Variants in DPP6 observed in about 807,000 individuals in gnomAD.
The protein encoded by DPP6 is A-type potassium channel modulatory protein DPP6.
In DPP6, 69 loss-of-function variants were observed where a neutral mutation model predicts 122.6. The ratio of observed to expected loss-of-function variants is 0.56; its 90% CI spans 0.46 to 0.69. The LOEUF (loss-of-function observed/expected upper bound fraction) is 0.69, where lower values mean the gene tolerates loss of function less well. DPP6 is among the 30% of genes least tolerant of loss of function. The pLI, the probability that DPP6 is intolerant of heterozygous loss-of-function variation, is 0.00. For missense variants in DPP6, 928 were observed against 1,116.9 expected (o/e 0.83, Z 2.41); for synonymous variants, 418 against 433.1 (o/e 0.97, Z 0.43).
intron 1 of DPP6, among the ~76,000 whole-genome samples, chr7:154,044,618 G>A (rs1240810211): frequency 3.3e-5 from 5 of 152,120 alleles, no homozygotes; most frequent in Non-Finnish European, 5.9e-5. Flanking sequence ...GCATCAACTC[G>A]TTTTTTAAAT....
chr7:154,511,244 T>G (rs756477157), intron 3 of DPP6, among the ~76,000 whole-genome samples: 2 of 152,080 alleles, frequency 1.3e-5, no homozygotes, highest in Non-Finnish European at 2.9e-5. Context: ...GGACAAAACA[T>G]CTAGCATGCA....
At chr7:153,888,487 T>C (rs939997395) in intron 1 of DPP6, among the ~76,000 whole-genome samples, 3 of 152,154 alleles carry the variant, frequency 2.0e-5, no homozygotes, top group Non-Finnish European at 4.4e-5. Flanking sequence ...CGCTCCCCGC[T>C]GACCCGCGCG....
At chr7:154,658,580 T>G (rs2131030986) in intron 6 of DPP6, among the ~76,000 whole-genome samples, 1 of 152,248 alleles carries the variant, frequency 6.6e-6, no homozygotes, top group East Asian at 1.9e-4. Context: ...TGGGCCAAGC[T>G]GGAGCCTCCC....
intron 7 of DPP6, among the ~76,000 whole-genome samples, chr7:154,674,514 TC>T (rs1838765797): frequency 6.6e-6 from 1 of 152,174 alleles, no homozygotes; most frequent in Non-Finnish European, 1.5e-5. Context: ...ATGGAAATTT[TC>T]CCAAGAAAGA....
chr7:153,925,285 A>T (rs1800834618), intron 1 of DPP6, among the ~76,000 whole-genome samples: 1 of 151,830 alleles, frequency 6.6e-6, no homozygotes, highest in African/African-American at 2.4e-5. Flanking sequence ...GTTCTGATGA[A>T]GGGAGATCAT....
the DPP6 span, among the ~76,000 whole-genome samples, chr7:153,799,488 C>T: frequency 2.0e-5 from 3 of 152,096 alleles, no homozygotes; most frequent in Non-Finnish European, 4.4e-5. Flanking sequence ...AGACACTGCC[C>T]CTGCTCCCGG....
At chr7:153,976,844 T>C (rs1796330320) in intron 1 of DPP6, among the ~76,000 whole-genome samples, 1 of 152,128 alleles carries the variant, frequency 6.6e-6, no homozygotes, top group South Asian at 2.1e-4. Flanking sequence ...TCTGAAGAGA[T>C]GGAAGGGACA....
chr7:154,316,622 T>A (rs1306198389), intron 1 of DPP6, among the ~76,000 whole-genome samples: 1 of 152,178 alleles, frequency 6.6e-6, no homozygotes, highest in African/African-American at 2.4e-5. Flanking sequence ...AGATGGGGAA[T>A]CAAGATCAGA....
intron 1 of DPP6, among the ~76,000 whole-genome samples, chr7:154,065,905 C>A (rs1199765178): frequency 6.6e-6 from 1 of 152,040 alleles, no homozygotes; most frequent in Non-Finnish European, 1.5e-5. Context: ...TCCTAAGAAG[C>A]CGCCTTGGTA....
At chr7:154,584,715 C>T (rs1300341762) in intron 5 of DPP6, among the ~76,000 whole-genome samples, 1 of 152,156 alleles carries the variant, frequency 6.6e-6, no homozygotes, top group Non-Finnish European at 1.5e-5. Context: ...AAATATTTCC[C>T]AGAGACTTTC....
intron 6 of DPP6, among the ~76,000 whole-genome samples, chr7:154,650,363 G>C (rs1264910057): frequency 6.6e-6 from 1 of 151,964 alleles, no homozygotes; most frequent in Admixed American, 6.6e-5. Flanking sequence ...GGGCAGAGGA[G>C]GGGAGGGGAG....
intron 1 of DPP6, among the ~76,000 whole-genome samples, chr7:154,124,628 C>T (rs1011792353): frequency 6.6e-6 from 1 of 152,170 alleles, no homozygotes; most frequent in African/African-American, 2.4e-5. Flanking sequence ...ATAGAATTTC[C>T]TGATGGATTT....
intron 10 of DPP6, among the ~76,000 whole-genome samples, chr7:154,779,039 A>ATTACCT (rs2150397482): frequency 6.2e-5 from 9 of 145,910 alleles, no homozygotes; most frequent in South Asian, 2.2e-4. Flanking sequence ...CACCACCACC[A>ATTACCT]CCACAACTAC....
chr7:154,708,783 C>T (rs539537403), intron 7 of DPP6, among the ~76,000 whole-genome samples: 1 of 152,206 alleles, frequency 6.6e-6, no homozygotes, highest in Non-Finnish European at 1.5e-5. Context: ...TGTGGTGGCT[C>T]ATGCCTGTAA....
In DPP6 at chr7:154,853,813, C is replaced by G. The variant is rs1320749051; in HGVS notation, c.1700C>G (p.Thr567Arg). 1 of 1,613,848 alleles carries G rather than the reference C, an allele frequency of 6.2e-7. No individual in the cohort carries two copies. Among genetic ancestry groups the G allele is most frequent in the South Asian group, 1.1e-5 (1 of 91,076 alleles). The change falls in exon 17 of 26, where the codon ACA (threonine) becomes AGA (arginine). Residue 567 changes from threonine to arginine, a missense_variant. By Grantham distance (71) the Thr-to-Arg change is moderately conservative. Transcript: ENST00000377770. The part of the protein sequence containing the change: ...PGVPMVTVHN[T>R]TDKKKMFDLE... ...GTTCCTATGGTGACGGTGCACAACA[C>G]AACAGATAAGAAAAGTAAGTGCTCT...
At chr7:154,454,075 T>C (rs1301795191) in intron 2 of DPP6, among the ~76,000 whole-genome samples, 2 of 152,246 alleles carry the variant, frequency 1.3e-5, no homozygotes, top group Admixed American at 1.3e-4. Flanking sequence ...AGGGCTCCTA[T>C]ATTAAATTCA....
intron 1 of DPP6, among the ~76,000 whole-genome samples, chr7:153,894,330 C>T (rs952904254): frequency 3.3e-5 from 5 of 152,090 alleles, no homozygotes; most frequent in Non-Finnish European, 7.3e-5. Flanking sequence ...GTTGTGGGAG[C>T]CAATTTTATT....
chr7:153,975,985 C>T (rs902793603), intron 1 of DPP6, among the ~76,000 whole-genome samples: 10 of 152,072 alleles, frequency 6.6e-5, no homozygotes, highest in Non-Finnish European at 1.3e-4. Context: ...TTAACAAGTG[C>T]CTGGCATGTA....
intron 6 of DPP6, among the ~76,000 whole-genome samples, chr7:154,664,575 C>G (rs915367014): frequency 2.6e-5 from 4 of 151,792 alleles, no homozygotes; most frequent in Non-Finnish European, 5.9e-5. Flanking sequence ...AGCCACCTCT[C>G]GAACCTACCT....
Sources: allele counts gnomAD v4.1 joint callset (sites outside exome capture counted in the v4.1 genomes callset), GRCh38; gene constraint gnomAD v4.1.1; transcripts MANE v1.5; gene names NCBI Gene and HGNC (gene_info 2026-07-23, HGNC 2026-07-21).